The following KBTBD11 variants were observed in gnomAD, a reference collection of about 807,000 sequenced individuals.
KBTBD11 encodes kelch repeat and BTB domain-containing protein 11.
For missense variants in KBTBD11, 1,390 were observed against 1,001.8 expected (o/e 1.39, Z -5.23); for synonymous variants, 747 against 499.0 (o/e 1.50, Z -6.63).
At chr8:1,989,970 C>T (rs924598136) in intron 1 of KBTBD11, among the ~76,000 whole-genome samples, 1 of 130,662 alleles carries the variant, frequency 7.7e-6, no homozygotes, top group Non-Finnish European at 1.6e-5. Context: ...GTTGAAGGCT[C>T]CAGAGACAGA....
intron 1 of KBTBD11, chr8:1,974,630 C>T (rs1368348834): frequency 9.1e-6 from 9 of 985,224 alleles, no homozygotes; most frequent in African/African-American, 1.7e-5. Flanking sequence ...CCGCGGCTCC[C>T]GAGTCCTGCC....
chr8:1,986,875 G>T (rs1355660656), intron 1 of KBTBD11, among the ~76,000 whole-genome samples: 1 of 151,936 alleles, frequency 6.6e-6, no homozygotes, highest in Non-Finnish European at 1.5e-5. Flanking sequence ...TTGTTTGTTT[G>T]TAAGAAACTA....
rs947692136 is a variant in KBTBD11, at chr8:2,002,994, G to A, written c.1802G>A (p.Arg601Gln). The A allele has an allele frequency of 5.4e-6, 7 of 1,306,782 alleles. No homozygotes were observed. The highest frequency in any genetic ancestry group is 8.1e-5 in the Admixed American group (2 of 24,826). 80.9% of individuals were successfully genotyped at this position (1,306,782 alleles called of 1,614,324 possible). Residue 601 changes from arginine (R) to glutamine (Q), a missense_variant, in exon 2 of 2, where the codon CGG becomes CAG. Arg to Gln is a conservative substitution (Grantham distance 43). Transcript: ENST00000320248. The surrounding 1 kb of genome is among the most constrained non-coding windows in gnomAD (Gnocchi z 4.1). Reference sequence around the variant, plus strand: ...GCGCTGGGCGCCCCCTTGGACGTCCGGGGTGTGCTCATCCCGTTCGCTCTC... The same window carrying A: ...GCGCTGGGCGCCCCCTTGGACGTCCAGGGTGTGCTCATCCCGTTCGCTCTC... ...FEALGAPLDV[R>Q]GVLIPFALSL...
chr8:1,974,630 C>G (rs1368348834), intron 1 of KBTBD11: 6 of 985,336 alleles, frequency 6.1e-6, no homozygotes, highest in Non-Finnish European at 7.2e-6. Flanking sequence ...CCGCGGCTCC[C>G]GAGTCCTGCC....
intron 1 of KBTBD11, among the ~76,000 whole-genome samples, chr8:1,989,739 C>T (rs1816838912): frequency 6.6e-6 from 1 of 152,164 alleles, no homozygotes; most frequent in Non-Finnish European, 1.5e-5. Flanking sequence ...GCCCCCTCAC[C>T]TCCCTTGCGT....
At position 1,993,960 on chromosome 8, in the gene KBTBD11, A is replaced by ACACACACAC. The variant is rs1817037341; in HGVS notation, c.-908-6325_-908-6324insCACACACAC. Among the ~76,000 whole-genome samples the ACACACACAC allele has an allele frequency of 3.8e-4, 27 of 71,808 alleles. No homozygotes were observed. The South Asian group carries it at 4.8e-3, about 13-fold the overall frequency. The allele number at this position is 71,808 out of a possible 152,430, so 47.1% of individuals were successfully genotyped here. ...ACACACACACACACACACACACACA[A>ACACACACAC]AACCCCATAGATGGTTTATCAGGGG... On this transcript the variant is annotated intron_variant, in intron 1 of 1. Coordinates refer to ENST00000320248, the MANE Select transcript of KBTBD11 (RefSeq NM_014867.3).
At chr8:1,987,615 C>T (rs984194850) in intron 1 of KBTBD11, among the ~76,000 whole-genome samples, 7 of 152,232 alleles carry the variant, frequency 4.6e-5, no homozygotes, top group South Asian at 2.1e-4. Flanking sequence ...AGGACTTCTC[C>T]GGCTGCTCTC....
At chr8:1,998,139 C>T (rs966475609) in intron 1 of KBTBD11, among the ~76,000 whole-genome samples, 8 of 152,160 alleles carry the variant, frequency 5.3e-5, no homozygotes. Context: ...TGGATCCTTT[C>T]AGATTTGGGG....
At position 2,005,070 on chromosome 8, in the gene KBTBD11, ACT is replaced by A. The variant is rs1255608380; in HGVS notation, c.*2007_*2008del. ...ATTGAAATTAGGCTTCCAGAGTAAC[ACT>A]GTCCCCGGAAAAGGATATGAGAAGT... is the stretch of plus-strand genomic sequence containing the variant. On this transcript the variant is annotated 3_prime_UTR_variant, in exon 2 of 2. Transcript: ENST00000320248. The A allele has an allele frequency of 6.0e-6, 1 of 167,096 alleles. No homozygotes were observed. The highest frequency in any genetic ancestry group is 1.5e-5 in the Non-Finnish European group (1 of 68,138). 10.4% of individuals were successfully genotyped at this position (167,096 alleles called of 1,614,324 possible). A position where few individuals can be genotyped will look rare whatever the true frequency, so the allele number is the denominator to read the frequency against.
At chr8:1,981,937 T>C (rs1816553575) in intron 1 of KBTBD11, among the ~76,000 whole-genome samples, 1 of 152,168 alleles carries the variant, frequency 6.6e-6, no homozygotes, top group African/African-American at 2.4e-5. Context: ...TGTTGTGGGA[T>C]TCTCAGCCTC....
At chr8:1,982,295 G>A (rs1365818522) in intron 1 of KBTBD11, among the ~76,000 whole-genome samples, 2 of 152,114 alleles carry the variant, frequency 1.3e-5, no homozygotes, top group African/African-American at 4.8e-5. Context: ...CATACCACAA[G>A]AGAAAGTCTA....
At chr8:1,979,340 C>T (rs1276252311) in intron 1 of KBTBD11, among the ~76,000 whole-genome samples, 1 of 152,174 alleles carries the variant, frequency 6.6e-6, no homozygotes, top group Non-Finnish European at 1.5e-5. Flanking sequence ...CTTTAAAAAA[C>T]ACCCTTAGGC....
rs1204978476 is a variant in KBTBD11 at position 1,973,867 on chromosome 8, G to A, written c.-977G>A. 4.1e-6 allele frequency: 4 copies of A among 982,900 alleles called. No individual in the cohort carries two copies. The highest frequency in any genetic ancestry group is 1.8e-5 in the African/African-American group (1 of 56,826). The allele number at this position is 982,900 out of a possible 1,614,324, so 60.9% of individuals were successfully genotyped here. ...CACAGGTGCCGGGAAGCGGCCGCGCGCATGCGCCGGAGCCCACCCGCCTGG... is the reference window on the plus strand; with the variant it reads ...CACAGGTGCCGGGAAGCGGCCGCGCACATGCGCCGGAGCCCACCCGCCTGG... On this transcript the variant is annotated 5_prime_UTR_variant, in exon 1 of 2. Coordinates refer to ENST00000320248, the MANE Select transcript of KBTBD11 (RefSeq NM_014867.3).
At chr8:1,998,543 T>C (rs1817226921) in intron 1 of KBTBD11, among the ~76,000 whole-genome samples, 1 of 152,206 alleles carries the variant, frequency 6.6e-6, no homozygotes, top group Admixed American at 6.5e-5. Flanking sequence ...GGATGGAGGC[T>C]CCTGTACATT....
intron 1 of KBTBD11, among the ~76,000 whole-genome samples, chr8:1,995,947 C>G (rs2129314612): frequency 6.6e-6 from 1 of 152,226 alleles, no homozygotes; most frequent in East Asian, 1.9e-4. Context: ...ATCTCTTGAG[C>G]CCAGGAGTTG....
rs1411089603 is a variant in KBTBD11, at chr8:2,001,684, C to T, written c.492C>T (p.Tyr164=). Residue 164 remains tyrosine, a synonymous_variant, in exon 2 of 2, where the codon TAC becomes TAT. Transcript: ENST00000320248. ...HKAVLAARSD[Y]FRARASRDVL... ...CGGTGCTGGCGGCGCGCAGCGACTA[C>T]TTCCGCGCGCGCGCGTCGCGGGACG... 6.9e-6 allele frequency: 10 copies of T among 1,444,052 alleles called. No homozygotes were observed. Among genetic ancestry groups the T allele is most frequent in the East Asian group, 3.0e-5 (1 of 33,316 alleles). 89.5% of individuals were successfully genotyped at this position (1,444,052 alleles called of 1,614,324 possible). A position where few individuals can be genotyped will look rare whatever the true frequency, so the allele number is the denominator to read the frequency against.
chr8:1,992,366 G>C (rs1816951232), intron 1 of KBTBD11, among the ~76,000 whole-genome samples: 1 of 152,002 alleles, frequency 6.6e-6, no homozygotes, highest in Non-Finnish European at 1.5e-5. Context: ...ACGTCCCCCA[G>C]ATACACTCAG....
intron 1 of KBTBD11, among the ~76,000 whole-genome samples, chr8:1,986,792 T>A (rs1424103031): frequency 6.6e-6 from 1 of 152,268 alleles, no homozygotes. Context: ...TAATGCAATA[T>A]AAAGAAACGC....
At position 2,001,380 on chromosome 8, in the gene KBTBD11, C is replaced by T. The variant is rs1374473435; in HGVS notation, c.188C>T (p.Thr63Ile). The change falls in exon 2 of 2, where the codon ACC (threonine) becomes ATC (isoleucine). Residue 63 changes from threonine (T) to isoleucine (I), a missense_variant. Transcript: ENST00000320248. Reference protein sequence around the residue: ...SLASAAEGAATSPPSSGGPRV... With the variant: ...SLASAAEGAAISPPSSGGPRV... ...GCCTCAGCGGCGGAAGGCGCGGCCA[C>T]CTCCCCGCCCTCCAGCGGTGGCCCG... is the stretch of plus-strand genomic sequence containing the variant. 3 of 1,457,090 alleles carry T rather than the reference C, an allele frequency of 2.1e-6. No individual in the cohort carries two copies. Among genetic ancestry groups the T allele is most frequent in the South Asian group, 1.3e-5 (1 of 75,322 alleles). 90.3% of individuals were successfully genotyped at this position (1,457,090 alleles called of 1,614,324 possible).
Sources: allele counts gnomAD v4.1 joint callset (sites outside exome capture counted in the v4.1 genomes callset), GRCh38; gene constraint gnomAD v4.1.1; non-coding constraint Gnocchi (gnomAD v3.1); transcripts MANE v1.5; gene names NCBI Gene and HGNC (gene_info 2026-07-23, HGNC 2026-07-21).